Variants in CCDC3 observed in about 807,000 individuals in gnomAD.
CCDC3 encodes coiled-coil domain containing 3.
Under a neutral mutation model 21.4 loss-of-function variants are expected in CCDC3, and 24 were observed. The observed-to-expected ratio is 1.12, with a 90% CI of 0.81 to 1.58. The LOEUF (loss-of-function observed/expected upper bound fraction) is 1.58. Ranked by LOEUF, CCDC3 falls within the 40% of genes most tolerant of loss-of-function variation. CCDC3 has a pLI of 0.00. For synonymous variants in CCDC3, 186 were observed against 166.0 expected (o/e 1.12, Z -0.93); for missense variants, 425 against 360.9 (o/e 1.18, Z -1.44).
Position 12,940,462 on chromosome 10 carries a change from G to A in CCDC3, c.550-41783C>T, listed in dbSNP as rs189241669. 2.1e-3 allele frequency among the ~76,000 whole-genome samples: 320 copies of A among 152,210 alleles called. 1 individual carries two copies. The highest frequency in any genetic ancestry group is 7.4e-3 in the African/African-American group (307 of 41,526). On this transcript the variant is annotated intron_variant, in intron 2 of 2. Coordinates refer to ENST00000378825, the MANE Select transcript of CCDC3 (RefSeq NM_031455.4). ...GATGTCTACAGAAGTCACCTTAAGG[G>A]TTAGGGTGGTTCCCTAGTCAAAGGA...
chr10:12,951,566 G>A (rs1402816662), intron 2 of CCDC3, among the ~76,000 whole-genome samples: 1 of 152,076 alleles, frequency 6.6e-6, no homozygotes, highest in African/African-American at 2.4e-5. Flanking sequence ...AGCACTTTGG[G>A]AGGCTGAGAC....
intron 3 of CCDC3, among the ~76,000 whole-genome samples, chr10:13,074,995 A>C (rs1836944497): frequency 6.6e-6 from 1 of 152,200 alleles, no homozygotes; most frequent in Non-Finnish European, 1.5e-5. Flanking sequence ...AGCCGCGGCC[A>C]GTCACTTGGC....
intron 3 of CCDC3, among the ~76,000 whole-genome samples, chr10:13,079,627 A>G (rs140444497): frequency 7.4e-4 from 112 of 152,292 alleles, no homozygotes; most frequent in Middle Eastern, 3.4e-3. Flanking sequence ...CCTTAGACAG[A>G]ATGTCTTAGA....
At chr10:12,976,039 G>A (rs557867526) in intron 2 of CCDC3, among the ~76,000 whole-genome samples, 43 of 152,234 alleles carry the variant, frequency 2.8e-4, no homozygotes, top group African/African-American at 9.6e-4. Context: ...TCTCCTGATC[G>A]GACCCACACA....
At chr10:12,979,577 G>A (rs991092608) in intron 2 of CCDC3, among the ~76,000 whole-genome samples, 1 of 151,848 alleles carries the variant, frequency 6.6e-6, no homozygotes, top group Admixed American at 6.6e-5. Context: ...TCTTGCTGTT[G>A]CCCATGCTCA....
intron 2 of CCDC3, among the ~76,000 whole-genome samples, chr10:12,960,777 C>T (rs945553728): frequency 3.3e-5 from 5 of 152,188 alleles, no homozygotes; most frequent in African/African-American, 4.8e-5. Context: ...TGCCTGAGCT[C>T]CGCCTGCCAG....
chr10:12,927,713 A>G (rs988391838), intron 2 of CCDC3, among the ~76,000 whole-genome samples: 5 of 152,200 alleles, frequency 3.3e-5, no homozygotes, highest in African/African-American at 1.2e-4. Flanking sequence ...AAAACACGCT[A>G]AAGGGATTGC....
intron 3 of CCDC3, among the ~76,000 whole-genome samples, chr10:13,080,835 G>A (rs1263896280): frequency 6.6e-6 from 1 of 152,264 alleles, no homozygotes; most frequent in Non-Finnish European, 1.5e-5. Context: ...CCAGCCCAAG[G>A]CCAGAGGCCA....
At chr10:12,899,591 C>A (rs772530082) in intron 2 of CCDC3, among the ~76,000 whole-genome samples, 2 of 152,162 alleles carry the variant, frequency 1.3e-5, no homozygotes, top group South Asian at 2.1e-4. Flanking sequence ...TAAATCTACA[C>A]AATGCAAAGG....
rs1052629944 is a variant in CCDC3 at position 12,937,329 on chromosome 10, C to T, written c.550-38650G>A. On this transcript the variant is annotated intron_variant, in intron 2 of 2. Transcript: ENST00000378825. ...GGTGGTCTCTACCTATTTATTTTCACTCATTTCCTACGTAGAGCATTTCCT... is the reference window on the plus strand; with the variant it reads ...GGTGGTCTCTACCTATTTATTTTCATTCATTTCCTACGTAGAGCATTTCCT... Among the ~76,000 whole-genome samples, 5 of 152,204 alleles carry T rather than the reference C, an allele frequency of 3.3e-5. No individual in the cohort carries two copies. In the East Asian group the frequency reaches 9.6e-4, roughly 29 times the overall value.
chr10:12,914,241 A>G (rs949033130), intron 2 of CCDC3, among the ~76,000 whole-genome samples: 1 of 152,166 alleles, frequency 6.6e-6, no homozygotes, highest in Non-Finnish European at 1.5e-5. Flanking sequence ...TTTACTGCCA[A>G]TTCAATCTTC....
chr10:12,927,988 A>ATT (rs1272002869), intron 2 of CCDC3, among the ~76,000 whole-genome samples: 1 of 152,242 alleles, frequency 6.6e-6, no homozygotes, highest in Non-Finnish European at 1.5e-5. Flanking sequence ...AGTCTTAAGT[A>ATT]ATTATCTAAT....
intron 4 of CCDC3, among the ~76,000 whole-genome samples, chr10:13,067,910 T>A (rs937360793): frequency 3.3e-5 from 5 of 152,148 alleles, no homozygotes; most frequent in African/African-American, 1.2e-4. Context: ...ATTTAAAAGG[T>A]CTTTACGTTT....
intron 2 of CCDC3, among the ~76,000 whole-genome samples, chr10:12,960,987 A>G (rs1319825685): frequency 1.3e-5 from 2 of 152,188 alleles, no homozygotes; most frequent in Non-Finnish European, 2.9e-5. Flanking sequence ...AGTGGGAGAT[A>G]AAGTGGGCAA....
chr10:12,980,602 T>G (rs1835482753), intron 2 of CCDC3, among the ~76,000 whole-genome samples: 1 of 152,130 alleles, frequency 6.6e-6, no homozygotes, highest in Non-Finnish European at 1.5e-5. Flanking sequence ...CGGAGAAGTT[T>G]GCATGAGCTA....
chr10:13,082,202 T>C (rs1038131476), intron 3 of CCDC3, among the ~76,000 whole-genome samples: 2 of 152,134 alleles, frequency 1.3e-5, no homozygotes, highest in African/African-American at 4.8e-5. Context: ...GCTGTGCTGT[T>C]ATTTATTGGA....
At chr10:12,944,384 T>C (rs1834881815) in intron 2 of CCDC3, among the ~76,000 whole-genome samples, 1 of 152,306 alleles carries the variant, frequency 6.6e-6, no homozygotes, top group Admixed American at 6.5e-5. Context: ...TGAATTCAAT[T>C]CTTCAGGCAG....
intron 2 of CCDC3, among the ~76,000 whole-genome samples, chr10:12,933,436 A>C (rs1834682256): frequency 6.7e-6 from 1 of 148,730 alleles, no homozygotes; most frequent in Non-Finnish European, 1.5e-5. Context: ...GTGGGCATAG[A>C]GTTGTTGATA....
chr10:13,064,599 A>G (rs1473286540), intron 4 of CCDC3, among the ~76,000 whole-genome samples: 1 of 152,122 alleles, frequency 6.6e-6, no homozygotes, highest in Non-Finnish European at 1.5e-5. Flanking sequence ...CCTGGCTAAC[A>G]TGATGAAACC....
Sources: gnomAD v4.1 joint callset for allele counts (sites outside exome capture counted in the v4.1 genomes callset) on GRCh38, gnomAD v4.1.1 for gene constraint, MANE v1.5 for transcripts, NCBI Gene and HGNC (gene_info 2026-07-23, HGNC 2026-07-21) for gene names.